The following GRB10 variants were observed in gnomAD, a reference collection of about 807,000 sequenced individuals.
GRB10 encodes growth factor receptor-bound protein 10.
A neutral mutation model predicts 80.9 loss-of-function variants in GRB10; 20 were observed. The ratio of observed to expected loss-of-function variants is 0.25; its 90% CI spans 0.17 to 0.36. The LOEUF is 0.36. GRB10 is among the 10% of genes least tolerant of loss of function. The pLI, the probability that GRB10 is intolerant of heterozygous loss-of-function variation, is 1.00. For synonymous variants in GRB10, 291 were observed against 291.5 expected, an observed-to-expected ratio of 1.00 and a Z score of 0.02; for missense variants, 548 against 747.7, an observed-to-expected ratio of 0.73 and a Z score of 3.12.
At chr7:50,674,350 C>T in intron 6 of GRB10, 86 bp downstream of exon 6, 1 of 1,318,788 alleles carries the variant, frequency 7.6e-7, no homozygotes, top group Non-Finnish European at 1.1e-6. Context: ...CTATTCCCCC[C>T]AACACCATTT....
chr7:50,683,563 C>G (rs561778719), intron 5 of GRB10, among the ~76,000 whole-genome samples: 7 of 152,018 alleles, frequency 4.6e-5, no homozygotes, highest in Non-Finnish European at 1.0e-4. Context: ...ATGGCGAAAC[C>G]CTGTCTCTAT....
At chr7:50,684,777 A>G (rs377317219) in intron 5 of GRB10, among the ~76,000 whole-genome samples, 2 of 152,238 alleles carry the variant, frequency 1.3e-5, no homozygotes, top group South Asian at 4.1e-4. Context: ...CAAAGGATTA[A>G]CTGTATCTTT....
chr7:50,645,741 A>C, intron 7 of GRB10: 1 of 423,534 alleles, frequency 2.4e-6, no homozygotes, highest in Non-Finnish European at 3.2e-6. Context: ...GAGTTTCTTG[A>C]AACTACAGAA....
At chr7:50,612,657 T>C (rs749642260) in intron 13 of GRB10, 84 bp downstream of exon 13, 1 of 855,990 alleles carries the variant, frequency 1.2e-6, no homozygotes, top group Non-Finnish European at 2.0e-6. Context: ...ACGAGCATTT[T>C]CCTGCCAGAA....
At chr7:50,609,130 T>C (rs899456555) in intron 13 of GRB10, among the ~76,000 whole-genome samples, 1 of 152,124 alleles carries the variant, frequency 6.6e-6, no homozygotes, top group Non-Finnish European at 1.5e-5. Context: ...TGGAAAAAAC[T>C]GCAAATGGCA....
In GRB10 at chr7:50,748,537, T is replaced by C. The variant is rs184081494; in HGVS notation, c.-47+7350A>G. 1.9e-3 allele frequency among the ~76,000 whole-genome samples: 290 copies of C among 152,282 alleles called. 1 individual carries two copies. Among genetic ancestry groups the C allele is most frequent in the African/African-American group, 6.8e-3 (281 of 41,566 alleles). ...GCGGAGAAAATCAGGGTACCAGGGA[T>C]GGGGTCGGGTAAAAACAAGCCTTTG... On this transcript the variant is annotated intron_variant, in intron 3 of 18. Transcript: ENST00000401949.
At chr7:50,598,499 C>G (rs1399066453) in intron 17 of GRB10, among the ~76,000 whole-genome samples, 2 of 152,294 alleles carry the variant, frequency 1.3e-5, no homozygotes, top group Non-Finnish European at 1.5e-5. Flanking sequence ...TGTGACAGGA[C>G]CCGACAGTGA....
intron 13 of GRB10, among the ~76,000 whole-genome samples, chr7:50,607,863 C>T (rs2048811572): frequency 6.6e-6 from 1 of 152,184 alleles, no homozygotes; most frequent in Admixed American, 6.5e-5. Flanking sequence ...CACATTCCAA[C>T]CATGTGGAGA....
chr7:50,630,861 G>T (rs910047510), intron 7 of GRB10, among the ~76,000 whole-genome samples: 1 of 152,188 alleles, frequency 6.6e-6, no homozygotes, highest in Non-Finnish European at 1.5e-5. Flanking sequence ...TAAAAGCCCT[G>T]AAGTGCTAAT....
chr7:50,682,313 G>C (rs2061632402), intron 5 of GRB10, among the ~76,000 whole-genome samples: 1 of 152,216 alleles, frequency 6.6e-6, no homozygotes, highest in South Asian at 2.1e-4. Flanking sequence ...GCATCTGTTT[G>C]GGTAGATTGC....
intron 3 of GRB10, among the ~76,000 whole-genome samples, chr7:50,737,390 A>C (rs2153694957): frequency 6.6e-6 from 1 of 152,292 alleles, no homozygotes; most frequent in Middle Eastern, 3.4e-3. Context: ...CAGCCACGTA[A>C]GATGTGCTTC....
intron 3 of GRB10, among the ~76,000 whole-genome samples, chr7:50,745,920 T>C (rs1488885634): frequency 6.6e-6 from 1 of 152,264 alleles, no homozygotes; most frequent in Non-Finnish European, 1.5e-5. Context: ...TAGGAAATAC[T>C]GAAGATAGTG....
intron 3 of GRB10, among the ~76,000 whole-genome samples, chr7:50,742,779 A>G (rs930871353): frequency 6.6e-6 from 1 of 152,090 alleles, no homozygotes; most frequent in African/African-American, 2.4e-5. Flanking sequence ...CTGTTTCCAA[A>G]GGTAAGCACC....
chr7:50,698,747 CTTG>C (rs1229530062), intron 5 of GRB10, among the ~76,000 whole-genome samples: 1 of 152,320 alleles, frequency 6.6e-6, no homozygotes, highest in African/African-American at 2.4e-5. Flanking sequence ...CTCCAAACGC[CTTG>C]TTGTTTTTCA....
At position 50,754,023 on chromosome 7, in the gene GRB10, A is replaced by G. The variant is rs936182315; in HGVS notation, c.-47+1864T>C. Among the ~76,000 whole-genome samples, 65 of 152,172 alleles carry G rather than the reference A, an allele frequency of 4.3e-4. 1 individual carries two copies. The highest frequency in any genetic ancestry group is 4.2e-3 in the Admixed American group (64 of 15,286). ...TCTCAGCATCACTCGCAACAAATCT[A>G]TGTCACCAATGAAGGATCTTGGGCA... On this transcript the variant is annotated intron_variant, in intron 3 of 18. Transcript: ENST00000401949.
At chr7:50,737,323 T>C (rs1587690827) in intron 3 of GRB10, among the ~76,000 whole-genome samples, 1 of 152,272 alleles carries the variant, frequency 6.6e-6, no homozygotes, top group East Asian at 1.9e-4. Flanking sequence ...AAAGGTCTCA[T>C]AGCATCTGGC....
chr7:50,602,742 A>G (rs940486229), intron 17 of GRB10, among the ~76,000 whole-genome samples: 3 of 152,220 alleles, frequency 2.0e-5, no homozygotes, highest in African/African-American at 7.2e-5. Context: ...CTGAACATGG[A>G]TTAGCTTTTA....
chr7:50,626,160 C>T (rs2052844498), intron 8 of GRB10, among the ~76,000 whole-genome samples: 1 of 152,166 alleles, frequency 6.6e-6, no homozygotes, highest in Non-Finnish European at 1.5e-5. Context: ...TACCTCAATA[C>T]GTTCTGTAAA....
intron 7 of GRB10, among the ~76,000 whole-genome samples, chr7:50,663,725 C>T (rs2059514730): frequency 6.6e-6 from 1 of 152,216 alleles, no homozygotes; most frequent in South Asian, 2.1e-4. Context: ...TTTTGAAAGC[C>T]TATTTAATGT....
Sources: gnomAD v4.1 joint callset for allele counts (sites outside exome capture counted in the v4.1 genomes callset) on GRCh38, gnomAD v4.1.1 for gene constraint, MANE v1.5 for transcripts, NCBI Gene and HGNC (gene_info 2026-07-23, HGNC 2026-07-21) for gene names.